LRRFIP2: variants seen among roughly 807,000 people sequenced by gnomAD.
LRRFIP2 encodes the protein leucine-rich repeat flightless-interacting protein 2.
Under a neutral mutation model 125.9 loss-of-function variants are expected in LRRFIP2, and 109 were observed. The ratio of observed to expected loss-of-function variants is 0.87; its 90% CI spans 0.74 to 1.01. The LOEUF is 1.01. Ranked by LOEUF, LRRFIP2 falls within the 50% of genes least tolerant of loss-of-function variation. The probability of loss-of-function intolerance (pLI) is 0.00; values close to 1 mark genes in which losing one functional copy is unlikely to be tolerated. For synonymous variants in LRRFIP2, 291 were observed against 293.1 expected, an observed-to-expected ratio of 0.99 and a Z score of 0.07; for missense variants, 850 against 862.3, an observed-to-expected ratio of 0.99 and a Z score of 0.18.
At chr3:37,125,007 G>A (rs2095222651) in intron 4 of LRRFIP2, among the ~76,000 whole-genome samples, 1 of 150,440 alleles carries the variant, frequency 6.6e-6, no homozygotes, top group Non-Finnish European at 1.5e-5. Flanking sequence ...GTCCTTATTA[G>A]CACTAAAGCA....
At chr3:37,065,210 T>C (rs2089875432) in intron 23 of LRRFIP2, 1 of 178,294 alleles carries the variant, frequency 5.6e-6, no homozygotes, top group South Asian at 1.3e-4. Context: ...ATGGGTGACT[T>C]TGATTTCTCA....
chr3:37,078,194 T>A (rs2092298084), intron 19 of LRRFIP2, among the ~76,000 whole-genome samples: 1 of 152,136 alleles, frequency 6.6e-6, no homozygotes, highest in Non-Finnish European at 1.5e-5. Flanking sequence ...AAAATAATTT[T>A]AAAAGTAATT....
chr3:37,057,351 C>T (rs2087179002), intron 25 of LRRFIP2, among the ~76,000 whole-genome samples: 1 of 152,160 alleles, frequency 6.6e-6, no homozygotes, highest in Non-Finnish European at 1.5e-5. Flanking sequence ...TAGTAGCTTC[C>T]TAACTAGTCA....
At chr3:37,132,413 A>C (rs2095449880) in intron 2 of LRRFIP2, among the ~76,000 whole-genome samples, 1 of 152,186 alleles carries the variant, frequency 6.6e-6, no homozygotes, top group Non-Finnish European at 1.5e-5. Context: ...AACCCAACTT[A>C]GAGATAATTA....
intron 1 of LRRFIP2, among the ~76,000 whole-genome samples, chr3:37,159,010 T>G (rs1033904947): frequency 2.6e-5 from 4 of 152,136 alleles, no homozygotes; most frequent in East Asian, 1.9e-4. Flanking sequence ...GAAGTCCAAT[T>G]TATCCATTTT....
intron 7 of LRRFIP2, among the ~76,000 whole-genome samples, chr3:37,113,445 T>C (rs1268132087): frequency 2.0e-5 from 3 of 152,156 alleles, no homozygotes; most frequent in African/African-American, 4.8e-5. Context: ...CACAGGCATG[T>C]ACCACTACAC....
intron 2 of LRRFIP2, among the ~76,000 whole-genome samples, chr3:37,135,561 T>C (rs1023251927): frequency 1.3e-5 from 2 of 152,180 alleles, no homozygotes; most frequent in East Asian, 1.9e-4. Context: ...TTTTGTATTA[T>C]GTTCTTTTGG....
intron 2 of LRRFIP2, among the ~76,000 whole-genome samples, chr3:37,142,468 A>G (rs1165257265): frequency 6.6e-6 from 1 of 152,176 alleles, no homozygotes; most frequent in Non-Finnish European, 1.5e-5. Context: ...TTTGCCCTAT[A>G]CAATGAAAAT....
intron 4 of LRRFIP2, among the ~76,000 whole-genome samples, chr3:37,125,975 G>A (rs937516764): frequency 6.6e-6 from 1 of 151,628 alleles, no homozygotes; most frequent in Non-Finnish European, 1.5e-5. Context: ...TATTTATTTT[G>A]TTTACCTTCA....
chr3:37,122,488 A>G (rs1275670542), intron 4 of LRRFIP2, among the ~76,000 whole-genome samples: 1 of 152,058 alleles, frequency 6.6e-6, no homozygotes, highest in African/African-American at 2.4e-5. Flanking sequence ...ACATTAATCT[A>G]TTTTTTCATT....
intron 13 of LRRFIP2, among the ~76,000 whole-genome samples, chr3:37,106,578 C>G (rs1449271651): frequency 2.0e-5 from 3 of 152,150 alleles, no homozygotes; most frequent in Non-Finnish European, 2.9e-5. Context: ...GAGGCTGAGG[C>G]AGGAGGATTA....
intron 18 of LRRFIP2, among the ~76,000 whole-genome samples, chr3:37,091,109 C>T (rs543116659): frequency 1.4e-4 from 22 of 152,158 alleles, no homozygotes; most frequent in African/African-American, 4.3e-4. Flanking sequence ...GGCGAGGTGG[C>T]TCATGCCTGT....
chr3:37,080,418 T>TA, intron 19 of LRRFIP2, among the ~76,000 whole-genome samples: 1 of 151,236 alleles, frequency 6.6e-6, no homozygotes, highest in Non-Finnish European at 1.5e-5. Flanking sequence ...AAATAAAATT[T>TA]AAAAAAATAA....
chr3:37,108,510 G>A lies in LRRFIP2; in HGVS notation c.657+127C>T, dbSNP rs1228894593. ...GATCACAGCTTAGAGAGTAATTCCA[G>A]GTCAGATTAAATGACTTTTTCTTTG... On this transcript the variant is annotated intron_variant, in intron 12 of 27. Coordinates refer to ENST00000336686, the MANE Select transcript of LRRFIP2 (RefSeq NM_006309.4). The A allele has an allele frequency of 8.4e-6, 6 of 714,882 alleles. No homozygotes were observed. The South Asian group carries it at 1.0e-4, about 12-fold the overall frequency. The allele number at this position is 714,882 out of a possible 1,614,324, so 44.3% of individuals were successfully genotyped here. A position where few individuals can be genotyped will look rare whatever the true frequency, so the allele number is the denominator to read the frequency against.
intron 6 of LRRFIP2, among the ~76,000 whole-genome samples, chr3:37,120,367 C>G (rs915011965): frequency 6.6e-6 from 1 of 151,144 alleles, no homozygotes; most frequent in Non-Finnish European, 1.5e-5. Flanking sequence ...GGCCTCCCAA[C>G]GTGCTGGGAT....
At chr3:37,112,529 C>T (rs1268707588) in intron 8 of LRRFIP2, among the ~76,000 whole-genome samples, 1 of 151,938 alleles carries the variant, frequency 6.6e-6, no homozygotes, top group Admixed American at 6.6e-5. Context: ...TTCCAAGTTC[C>T]CAAAACACAA....
intron 1 of LRRFIP2, among the ~76,000 whole-genome samples, chr3:37,162,746 G>A (rs2096380867): frequency 6.6e-6 from 1 of 152,188 alleles, no homozygotes; most frequent in Admixed American, 6.5e-5. Flanking sequence ...CTACAGATTG[G>A]AGCAATATGA....
chr3:37,104,807 A>T (rs2094236029), intron 14 of LRRFIP2, among the ~76,000 whole-genome samples: 1 of 152,102 alleles, frequency 6.6e-6, no homozygotes, highest in South Asian at 2.1e-4. Context: ...TAGAATTTTT[A>T]AATTTTGTCA....
chr3:37,083,039 G>T (rs1319740538), intron 19 of LRRFIP2, among the ~76,000 whole-genome samples: 1 of 152,126 alleles, frequency 6.6e-6, no homozygotes, highest in Non-Finnish European at 1.5e-5. Flanking sequence ...GCTTTTAAAA[G>T]AATCCAATTT....
Sources: gnomAD v4.1 joint callset for allele counts (sites outside exome capture counted in the v4.1 genomes callset) on GRCh38, gnomAD v4.1.1 for gene constraint, MANE v1.5 for transcripts, NCBI Gene and HGNC (gene_info 2026-07-23, HGNC 2026-07-21) for gene names.